SYNE1: variants seen among roughly 807,000 people sequenced by gnomAD.
SYNE1 encodes the protein nesprin-1.
A neutral mutation model predicts 1,111.0 loss-of-function variants in SYNE1; 616 were observed. That is an observed-to-expected ratio of 0.55 (90% confidence interval 0.52 to 0.59). The LOEUF (loss-of-function observed/expected upper bound fraction) is 0.59. Ranked by LOEUF, SYNE1 falls within the 20% of genes least tolerant of loss-of-function variation. The pLI is 0.00. For missense variants in SYNE1, 10,006 were observed against 10,417.0 expected (o/e 0.96, Z 1.72); for synonymous variants, 3,855 against 3,825.8 (o/e 1.01, Z -0.28).
chr6:152,462,614 T>C (rs190397121), intron 20 of SYNE1, 124 bp downstream of exon 20: 256 of 1,138,606 alleles, frequency 2.2e-4, no homozygotes, highest in Non-Finnish European at 2.9e-4. Flanking sequence ...AATTGGGACA[T>C]ACAGACATGT....
intron 3 of SYNE1, among the ~76,000 whole-genome samples, chr6:152,555,031 A>T (rs2099360193): frequency 6.6e-6 from 1 of 152,222 alleles, no homozygotes; most frequent in African/African-American, 2.4e-5. Context: ...TTAAAAGAGG[A>T]AGACTTATAT....
intron 98 of SYNE1, 27 bp downstream of exon 98, chr6:152,278,062 C>A: frequency 6.2e-7 from 1 of 1,613,078 alleles, no homozygotes; most frequent in South Asian, 1.1e-5. Flanking sequence ...CAACTTTCAG[C>A]TGTGGGCCAG....
Position 152,371,930 on chromosome 6 carries a change from CAGGACAGGAAAGGAA to C in SYNE1, c.9507+1092_9507+1106del, listed in dbSNP as rs1438767844. ...AAGGAAAGGAAAGGAAAGGACAGGA[CAGGACAGGAAAGGAA>C]AGGAAAGGAAAGGAAAGGAAAAGAA... is the stretch of plus-strand genomic sequence containing the variant. On this transcript the variant is annotated intron_variant, in intron 59 of 145. Coordinates refer to ENST00000367255, the MANE Select transcript of SYNE1 (RefSeq NM_182961.4). 5.1e-4 allele frequency among the ~76,000 whole-genome samples: 19 copies of C among 36,986 alleles called. 1 individual carries two copies. The highest frequency in any genetic ancestry group is 7.0e-4 in the African/African-American group (9 of 12,946). The allele number at this position is 36,986 out of a possible 152,430, so 24.3% of individuals were successfully genotyped here.
chr6:152,588,983 T>C (rs922875777), intron 3 of SYNE1, among the ~76,000 whole-genome samples: 30 of 152,018 alleles, frequency 2.0e-4, no homozygotes, highest in African/African-American at 7.2e-4. Flanking sequence ...AGAGACTTGT[T>C]CTGTTGTCTA....
chr6:152,388,497 C>T (rs1000986400), intron 53 of SYNE1, among the ~76,000 whole-genome samples: 1 of 152,102 alleles, frequency 6.6e-6, no homozygotes, highest in Non-Finnish European at 1.5e-5. Flanking sequence ...CATAGTTTTG[C>T]CCCGTTGCCC....
At chr6:152,458,497 T>TA (rs1324446674) in intron 22 of SYNE1, among the ~76,000 whole-genome samples, 1 of 152,196 alleles carries the variant, frequency 6.6e-6, no homozygotes, top group Non-Finnish European at 1.5e-5. Flanking sequence ...TCAGTGAACT[T>TA]ACTGATTCAG....
intron 4 of SYNE1, among the ~76,000 whole-genome samples, chr6:152,537,695 A>C (rs2099250050): frequency 6.6e-6 from 1 of 152,172 alleles, no homozygotes; most frequent in Non-Finnish European, 1.5e-5. Context: ...GCCCCTAGAT[A>C]TACAATCGTG....
At chr6:152,375,479 C>T (rs556278179) in intron 58 of SYNE1, among the ~76,000 whole-genome samples, 5 of 152,118 alleles carry the variant, frequency 3.3e-5, no homozygotes, top group African/African-American at 7.2e-5. Flanking sequence ...GTGAAATGAG[C>T]GGACATACAG....
At chr6:152,594,104 T>A (rs1473888119) in intron 3 of SYNE1, among the ~76,000 whole-genome samples, 1 of 151,902 alleles carries the variant, frequency 6.6e-6, no homozygotes, top group African/African-American at 2.4e-5. Context: ...GAGGGAGGAG[T>A]CATTGTCAGG....
intron 124 of SYNE1, among the ~76,000 whole-genome samples, 193 bp from the exon 125 acceptor site, chr6:152,208,399 G>C (rs998649145): frequency 6.6e-6 from 1 of 152,134 alleles, no homozygotes; most frequent in African/African-American, 2.4e-5. Flanking sequence ...TAAACCACCA[G>C]TGTTTGCAAA....
chr6:152,167,903 T>C (rs997769), intron 130 of SYNE1: 495,401 of 753,276 alleles, frequency 0.66, 165,947 homozygotes, highest in East Asian at 0.89. Context: ...TTAACCTTTT[T>C]GTCCAGCTCT....
At position 152,293,706 on chromosome 6, in the gene SYNE1, T is replaced by C; in HGVS notation, c.17894A>G (p.Gln5965Arg). Residue 5965 changes from glutamine (Q) to arginine (R), a missense_variant, in exon 95 of 146, where the codon CAG becomes CGG. Gln to Arg is a conservative substitution (Grantham distance 43, BLOSUM62 1). Coordinates refer to ENST00000367255, the MANE Select transcript of SYNE1 (RefSeq NM_182961.4). ...CTGGAGGGAGTCCTGGTACTTCTGCTGGCGTTCCAAAGCTTCATAGAGTGT... is the reference window on the plus strand; with the variant it reads ...CTGGAGGGAGTCCTGGTACTTCTGCCGGCGTTCCAAAGCTTCATAGAGTGT... The part of the protein sequence containing the change: ...QRTLYEALER[Q>R]QKYQDSLQSI... 6.2e-7 allele frequency: 1 copy of C among 1,614,128 alleles called. No individual in the cohort carries two copies. The highest frequency in any genetic ancestry group is 1.3e-5 in the African/African-American group (1 of 75,014).
chr6:152,477,609 A>T (rs2098842573), intron 14 of SYNE1, among the ~76,000 whole-genome samples: 1 of 152,004 alleles, frequency 6.6e-6, no homozygotes, highest in African/African-American at 2.4e-5. Context: ...TTCTAACCTA[A>T]ATTTACTTAT....
At chr6:152,603,936 T>TCG (rs2099603959) in intron 3 of SYNE1, among the ~76,000 whole-genome samples, 1 of 121,828 alleles carries the variant, frequency 8.2e-6, no homozygotes, top group Non-Finnish European at 1.7e-5. Context: ...TGTATATGTA[T>TCG]ATAGATATAC....
rs533244413 is a variant in SYNE1 at position 152,368,586 on chromosome 6, A to AATC, written c.9807+383_9807+385dup. ...ATCCATGTTTTTTCTAAAGTAATTT[A>AATC]ATCTGGGATTATTTAGAACAAAAAC... On this transcript the variant is annotated intron_variant, in intron 61 of 145. Transcript: ENST00000367255. 5.9e-4 allele frequency: 115 copies of AATC among 194,030 alleles called. 2 individuals are homozygous for AATC. The South Asian group carries it at 0.011, about 19-fold the overall frequency. The allele number at this position is 194,030 out of a possible 1,614,324, so 12.0% of individuals were successfully genotyped here. A position where few individuals can be genotyped will look rare whatever the true frequency, so the allele number is the denominator to read the frequency against.
At position 152,321,906 on chromosome 6, in the gene SYNE1, A is replaced by G; in HGVS notation, c.15918-20T>C. Reference sequence around the variant, plus strand: ...TGCATGCTTCAGAAACATTACAGGGATAAAACAGAAGTGAAGTGAAAGGAA... The same window carrying G: ...TGCATGCTTCAGAAACATTACAGGGGTAAAACAGAAGTGAAGTGAAAGGAA... On this transcript the variant is annotated intron_variant, in intron 82 of 145. Coordinates refer to ENST00000367255, the MANE Select transcript of SYNE1 (RefSeq NM_182961.4). 1 of 1,614,040 alleles carries G rather than the reference A, an allele frequency of 6.2e-7. No individual in the cohort carries two copies. Among genetic ancestry groups the G allele is most frequent in the Non-Finnish European group, 8.5e-7 (1 of 1,179,956 alleles).
chr6:152,614,626 T>A (rs2099640912), intron 3 of SYNE1, among the ~76,000 whole-genome samples: 1 of 152,186 alleles, frequency 6.6e-6, no homozygotes, highest in Non-Finnish European at 1.5e-5. Context: ...AGCAATTCCA[T>A]TACTGGGTAT....
intron 75 of SYNE1, among the ~76,000 whole-genome samples, chr6:152,338,738 G>T (rs182482171): frequency 6.6e-6 from 1 of 152,268 alleles, no homozygotes; most frequent in Non-Finnish European, 1.5e-5. Flanking sequence ...TGTCTGTGTG[G>T]GCCGGTACTG....
At chr6:152,394,020 CCT>C (rs1218167718) in intron 51 of SYNE1, among the ~76,000 whole-genome samples, 1 of 152,078 alleles carries the variant, frequency 6.6e-6, no homozygotes, top group Non-Finnish European at 1.5e-5. Flanking sequence ...TGTTCCCCTC[CCT>C]GTGTCCATGT....
Sources: gnomAD v4.1 joint callset for allele counts (sites outside exome capture counted in the v4.1 genomes callset) on GRCh38, gnomAD v4.1.1 for gene constraint, MANE v1.5 for transcripts, NCBI Gene and HGNC (gene_info 2026-07-23, HGNC 2026-07-21) for gene names.